FBLN2: variants seen among roughly 807,000 people sequenced by gnomAD.
The protein encoded by FBLN2 is fibulin-2.
Under a neutral mutation model 123.7 loss-of-function variants are expected in FBLN2, and 81 were observed. That is an observed-to-expected ratio of 0.65 (90% CI 0.55 to 0.79). FBLN2 has a LOEUF of 0.79. Among genes scored for constraint, FBLN2 ranks in the 30% least tolerant of loss-of-function variants. FBLN2 has a pLI of 0.00. For missense variants in FBLN2, 1,603 were observed against 1,681.3 expected (o/e 0.95, Z 0.81); for synonymous variants, 699 against 701.4 (o/e 1.00, Z 0.05).
intron 2 of FBLN2, among the ~76,000 whole-genome samples, chr3:13,585,331 G>A (rs928728907): frequency 1.1e-4 from 17 of 152,118 alleles, no homozygotes; most frequent in African/African-American, 3.9e-4. Flanking sequence ...GTGCAGAGTG[G>A]CCAGTTATTC....
At position 13,554,857 on chromosome 3, in the gene FBLN2, G is replaced by A. The variant is rs116132919; in HGVS notation, c.-42+5649G>A. Among the ~76,000 whole-genome samples the A allele has an allele frequency of 1.4e-3, 210 of 151,948 alleles. 1 individual carries two copies. Among genetic ancestry groups the A allele is most frequent in the African/African-American group, 4.8e-3 (199 of 41,404 alleles). ...GGATGAGTTTCACCACCGTGTTTTC[G>A]GCTGCATCCTCCTACCTCCTGTCCT... is the stretch of plus-strand genomic sequence containing the variant. On this transcript the variant is annotated intron_variant, in intron 1 of 17. Coordinates refer to ENST00000404922, the MANE Select transcript of FBLN2 (RefSeq NM_001004019.2).
chr3:13,605,747 C>T lies in FBLN2; in HGVS notation c.1307-2315C>T, dbSNP rs929061959. 4.6e-5 allele frequency among the ~76,000 whole-genome samples: 7 copies of T among 152,270 alleles called. No homozygotes were observed. In the South Asian group the frequency reaches 6.2e-4, roughly 14 times the overall value. The stretch of plus-strand genomic sequence containing the variant: ...CAGAGCGTCTGGGTCCTTGATGTTG[C>T]GTGTGCTTAACTGTATAAGTGGTGC... On this transcript the variant is annotated intron_variant, in intron 2 of 17. Coordinates refer to ENST00000404922, the MANE Select transcript of FBLN2 (RefSeq NM_001004019.2).
chr3:13,595,849 A>G (rs1391512991), intron 2 of FBLN2, among the ~76,000 whole-genome samples: 1 of 152,234 alleles, frequency 6.6e-6, no homozygotes, highest in African/African-American at 2.4e-5. Flanking sequence ...GCATAAGATA[A>G]GAAACAAATA....
At chr3:13,584,766 G>T (rs1361546215) in intron 2 of FBLN2, among the ~76,000 whole-genome samples, 1 of 152,210 alleles carries the variant, frequency 6.6e-6, no homozygotes, top group African/African-American at 2.4e-5. Flanking sequence ...GGGAATCAGG[G>T]ACTGTCCGCA....
intron 1 of FBLN2, among the ~76,000 whole-genome samples, chr3:13,566,238 G>A (rs1703744037): frequency 6.6e-6 from 1 of 152,202 alleles, no homozygotes. Flanking sequence ...CGGGGTTGTG[G>A]GAAAACTCAG....
Position 13,588,513 on chromosome 3 carries a change from G to A in FBLN2, c.1306+16852G>A, listed in dbSNP as rs556968438. ...TTCTCATTGGGAACCCTGAGCTCCA[G>A]GTCCCAGACCACCTTGGCTTTGCTC... is the stretch of plus-strand genomic sequence containing the variant. On this transcript the variant is annotated intron_variant, in intron 2 of 17. Coordinates refer to ENST00000404922, the MANE Select transcript of FBLN2 (RefSeq NM_001004019.2). 6.6e-5 allele frequency among the ~76,000 whole-genome samples: 10 copies of A among 152,352 alleles called. No homozygotes were observed. The East Asian group carries it at 1.2e-3, about 18-fold the overall frequency.
intron 8 of FBLN2, among the ~76,000 whole-genome samples, chr3:13,620,988 C>G (rs1705831019): frequency 6.6e-6 from 1 of 152,258 alleles, no homozygotes; most frequent in African/African-American, 2.4e-5. Context: ...GGGCCCCGCC[C>G]CCCATCTCCC....
intron 2 of FBLN2, among the ~76,000 whole-genome samples, chr3:13,593,497 C>T (rs756239528): frequency 7.9e-5 from 12 of 151,908 alleles, no homozygotes; most frequent in Non-Finnish European, 1.5e-4. Flanking sequence ...GGGTGGATCA[C>T]GAGGTCAGGA....
chr3:13,597,975 C>T (rs374815086), intron 2 of FBLN2, among the ~76,000 whole-genome samples: 2 of 152,228 alleles, frequency 1.3e-5, no homozygotes, highest in Non-Finnish European at 2.9e-5. Flanking sequence ...TCTCTTTCCA[C>T]AGTGCTGCTG....
intron 2 of FBLN2, among the ~76,000 whole-genome samples, chr3:13,580,436 G>A (rs991892219): frequency 6.6e-6 from 1 of 152,182 alleles, no homozygotes; most frequent in Non-Finnish European, 1.5e-5. Flanking sequence ...GAGACAGGGT[G>A]AGCAAAACAG....
chr3:13,587,340 G>A (rs900447787), intron 2 of FBLN2, among the ~76,000 whole-genome samples: 1 of 152,004 alleles, frequency 6.6e-6, no homozygotes, highest in African/African-American at 2.4e-5. Context: ...ATTTATTATT[G>A]AAGAAAGAAA....
rs116827067 is a variant in FBLN2 at position 13,596,679 on chromosome 3, A to G, written c.1307-11383A>G. 3.1e-3 allele frequency among the ~76,000 whole-genome samples: 468 copies of G among 152,074 alleles called. 3 individuals carry two copies. The highest frequency in any genetic ancestry group is 0.01 in the African/African-American group (423 of 41,492). On this transcript the variant is annotated intron_variant, in intron 2 of 17. Transcript: ENST00000404922. ...CTCCAGAAATTTTTCATCTTCTCAA[A>G]CTGAAACTCTGTCTCCATTAAACCC...
chr3:13,597,779 G>T lies in FBLN2; in HGVS notation c.1307-10283G>T, dbSNP rs540247330. Among the ~76,000 whole-genome samples the T allele has an allele frequency of 2.6e-5, 4 of 152,354 alleles. No individual in the cohort carries two copies. In the East Asian group the frequency reaches 7.7e-4, roughly 29 times the overall value. Reference sequence around the variant, plus strand: ...GTGCCACTTGGCGTGGGAACAGCAGGGTTCCTGCTGGGCAAGGGTTGTGCT... The same window carrying T: ...GTGCCACTTGGCGTGGGAACAGCAGTGTTCCTGCTGGGCAAGGGTTGTGCT... On this transcript the variant is annotated intron_variant, in intron 2 of 17. Coordinates refer to ENST00000404922, the MANE Select transcript of FBLN2 (RefSeq NM_001004019.2).
At chr3:13,633,167 T>C (rs1302134845) in intron 16 of FBLN2, among the ~76,000 whole-genome samples, 1 of 152,274 alleles carries the variant, frequency 6.6e-6, no homozygotes, top group Non-Finnish European at 1.5e-5. Flanking sequence ...TGTGCCTGGC[T>C]AGCCACTAGA....
chr3:13,609,612 C>T lies in FBLN2; in HGVS notation c.1518C>T (p.Asp506=). 6.4e-7 allele frequency: 1 copy of T among 1,557,906 alleles called. No individual in the cohort carries two copies. The part of the protein sequence containing the change: ...AKEGETCGAE[D]NDSCGISLYK... ...AGGGTGAGACCTGTGGGGCTGAGGA[C>T]AACGACAGCTGCGGCATCTCCCTGT... Residue 506 remains aspartate, a synonymous_variant, in exon 4 of 18, where the codon GAC becomes GAT. Transcript: ENST00000404922.
At chr3:13,564,560 T>C (rs2125038026) in intron 1 of FBLN2, among the ~76,000 whole-genome samples, 1 of 152,350 alleles carries the variant, frequency 6.6e-6, no homozygotes, top group African/African-American at 2.4e-5. Context: ...TAGACAGTTC[T>C]CCATCATTTC....
intron 2 of FBLN2, among the ~76,000 whole-genome samples, chr3:13,584,588 C>G (rs553056912): frequency 1.3e-5 from 2 of 152,186 alleles, no homozygotes; most frequent in African/African-American, 2.4e-5. Flanking sequence ...AGGGAGTAGC[C>G]GTGGCCATAG....
chr3:13,618,127 C>T lies in FBLN2; in HGVS notation c.1781C>T (p.Ala594Val). 6 of 1,613,486 alleles carry T rather than the reference C, an allele frequency of 3.7e-6. No homozygotes were observed. The highest frequency in any genetic ancestry group is 5.1e-6 in the Non-Finnish European group (6 of 1,179,896). ...GREALSLGTE[A>V]ELPNSLPGDD... ...GAGGCCCTGTCACTGGGCACAGAGG[C>T]CGAGCTGCCGAACAGCCTGCCGGGC... The change falls in exon 6 of 18, where the codon GCC becomes GTC. Residue 594 changes from alanine (A) to valine (V), a missense_variant. By Grantham distance (64) the Ala-to-Val change is moderately conservative. Transcript: ENST00000404922.
chr3:13,615,324 A>G (rs1705560583), intron 5 of FBLN2, among the ~76,000 whole-genome samples: 1 of 152,172 alleles, frequency 6.6e-6, no homozygotes, highest in Non-Finnish European at 1.5e-5. Flanking sequence ...TGGGGACCAG[A>G]TGTCCAGGTA....
Sources: gnomAD v4.1 joint callset for allele counts (sites outside exome capture counted in the v4.1 genomes callset) on GRCh38, gnomAD v4.1.1 for gene constraint, MANE v1.5 for transcripts, NCBI Gene and HGNC (gene_info 2026-07-23, HGNC 2026-07-21) for gene names.